RTL4: variants seen among roughly 807,000 people sequenced by gnomAD.
The protein encoded by RTL4 is retrotransposon Gag like 4, also known as retrotransposon Gag-like protein 4.
RTL4 carries 4 observed loss-of-function variants against 5.3 expected under a neutral mutation model. The ratio of observed to expected loss-of-function variants is 0.75; its 90% CI spans 0.37 to 1.72. The LOEUF is 1.72. RTL4 is among the 40% of genes most tolerant of loss of function. RTL4 has a pLI of 0.04. For missense variants in RTL4, 260 were observed against 227.1 expected (o/e 1.14, Z -0.93); for synonymous variants, 98 against 87.3 (o/e 1.12, Z -0.68).
the RTL4 span, among the ~76,000 whole-genome samples, chrX:112,219,871 C>G: frequency 8.9e-6 from 1 of 111,924 alleles, no homozygotes; most frequent in African/African-American, 3.2e-5. Context: ...TCTGGTTAGA[C>G]GCTTGGAGCC....
chrX:112,361,254 CAT>C, the RTL4 span, among the ~76,000 whole-genome samples: 1 of 111,211 alleles, frequency 9.0e-6, no homozygotes, highest in Admixed American at 9.6e-5. Context: ...CTACCACAAA[CAT>C]ACACATATAT....
At chrX:112,252,912 C>A in the RTL4 span, among the ~76,000 whole-genome samples, 5 of 111,281 alleles carry the variant, frequency 4.5e-5, no homozygotes, top group African/African-American at 1.6e-4. Context: ...ATACAGCTTG[C>A]TAATGAGGGC....
chrX:112,329,292 A>T, the RTL4 span, among the ~76,000 whole-genome samples: 1 of 111,337 alleles, frequency 9.0e-6, no homozygotes, highest in South Asian at 3.8e-4. Flanking sequence ...AGAGAGAAGA[A>T]TCAAATAGAT....
chrX:112,198,722 C>T, the RTL4 span, among the ~76,000 whole-genome samples: 701 of 111,470 alleles, frequency 6.3e-3, 3 homozygotes, highest in African/African-American at 0.021. Flanking sequence ...TCCCTCCATT[C>T]AACATTTCTT....
At chrX:112,396,233 A>G in the RTL4 span, among the ~76,000 whole-genome samples, 11 of 110,639 alleles carry the variant, frequency 9.9e-5, no homozygotes, top group Admixed American at 1.1e-3. Flanking sequence ...AGTTCAGTGC[A>G]ATGTCTCAAT....
the RTL4 span, among the ~76,000 whole-genome samples, chrX:112,152,929 C>T: frequency 9.0e-6 from 1 of 111,380 alleles, no homozygotes; most frequent in Non-Finnish European, 1.9e-5. Flanking sequence ...CTTAAAGATC[C>T]TAAGCAAAAG....
the RTL4 span, among the ~76,000 whole-genome samples, chrX:112,172,656 G>GCT: frequency 9.1e-6 from 1 of 110,468 alleles, no homozygotes; most frequent in Non-Finnish European, 1.9e-5. Flanking sequence ...TCCATTCCTG[G>GCT]GTATAGACCC....
the RTL4 span, among the ~76,000 whole-genome samples, chrX:112,426,742 A>G: frequency 9.0e-6 from 1 of 111,346 alleles, no homozygotes; most frequent in Non-Finnish European, 1.9e-5. Context: ...CCTGCAAAAA[A>G]AGAAGTTTTA....
At chrX:112,274,237 G>T in the RTL4 span, among the ~76,000 whole-genome samples, 1 of 111,486 alleles carries the variant, frequency 9.0e-6, no homozygotes, top group East Asian at 2.8e-4. Context: ...TGGAATGGAG[G>T]AGAGCTGGTC....
At chrX:112,200,937 A>T in the RTL4 span, among the ~76,000 whole-genome samples, 2 of 111,778 alleles carry the variant, frequency 1.8e-5, no homozygotes, top group Non-Finnish European at 3.8e-5. Context: ...ATGAGGAAGG[A>T]TCTCTTCTAT....
the RTL4 span, among the ~76,000 whole-genome samples, chrX:112,298,672 C>T: frequency 3.6e-5 from 4 of 112,510 alleles, no homozygotes; most frequent in Non-Finnish European, 7.5e-5. Context: ...GTTCCTGACC[C>T]CAGGCTTTGC....
chrX:112,118,392 T>C, the RTL4 span, among the ~76,000 whole-genome samples: 1 of 112,522 alleles, frequency 8.9e-6, no homozygotes, highest in African/African-American at 3.2e-5. Context: ...GAGTCTTCTT[T>C]TCCTTGCCAC....
At chrX:112,336,988 C>A in the RTL4 span, among the ~76,000 whole-genome samples, 1 of 111,899 alleles carries the variant, frequency 8.9e-6, no homozygotes, top group Non-Finnish European at 1.9e-5. Flanking sequence ...TTGTGAAATT[C>A]TCTTTTTAAT....
the RTL4 span, among the ~76,000 whole-genome samples, chrX:112,391,211 G>C: frequency 8.9e-6 from 1 of 111,735 alleles, no homozygotes; most frequent in African/African-American, 3.3e-5. Flanking sequence ...TTCAGCTCCT[G>C]TATTGTTTTA....
chrX:112,440,870 A>G, the RTL4 span, among the ~76,000 whole-genome samples: 1 of 111,589 alleles, frequency 9.0e-6, no homozygotes. Context: ...ACACCTTCTT[A>G]TTTGGGAAAT....
At chrX:112,214,786 G>A in the RTL4 span, among the ~76,000 whole-genome samples, 1 of 110,042 alleles carries the variant, frequency 9.1e-6, no homozygotes, top group Non-Finnish European at 1.9e-5. Context: ...TTTTTTGTTT[G>A]TTTGTTTTGT....
chrX:112,118,712 C>A, the RTL4 span, among the ~76,000 whole-genome samples: 6 of 111,238 alleles, frequency 5.4e-5, no homozygotes, highest in Non-Finnish European at 7.5e-5. Context: ...AAAATATGCA[C>A]ATATTTATGA....
chrX:112,436,309 A>G, the RTL4 span, among the ~76,000 whole-genome samples: 3 of 111,741 alleles, frequency 2.7e-5, no homozygotes, highest in Non-Finnish European at 5.6e-5. Context: ...AGGATTTTTA[A>G]TAAGAAAATG....
the RTL4 span, among the ~76,000 whole-genome samples, chrX:112,411,771 G>A: frequency 1.8e-5 from 2 of 110,966 alleles, no homozygotes; most frequent in African/African-American, 6.5e-5. Context: ...AAATCTGAAA[G>A]CCTTTCTTCT....
Sources: gnomAD v4.1 joint callset for allele counts (sites outside exome capture counted in the v4.1 genomes callset) on GRCh38, gnomAD v4.1.1 for gene constraint, MANE v1.5 for transcripts, NCBI Gene and HGNC (gene_info 2026-07-23, HGNC 2026-07-21) for gene names.